SWAP70: variants seen among roughly 807,000 people sequenced by gnomAD.
SWAP70 encodes switching B cell complex subunit SWAP70, also known as switch-associated protein 70.
SWAP70 carries 34 observed loss-of-function variants against 80.2 expected under a neutral mutation model. The observed-to-expected ratio is 0.42, with a 90% CI of 0.32 to 0.56. The LOEUF (loss-of-function observed/expected upper bound fraction) is 0.56. SWAP70 is among the 20% of genes least tolerant of loss of function. The probability of loss-of-function intolerance (pLI) is 0.09; values close to 1 mark genes in which losing one functional copy is unlikely to be tolerated. For missense variants in SWAP70, 578 were observed against 690.7 expected (o/e 0.84, Z 1.83); for synonymous variants, 239 against 238.5 (o/e 1.00, Z -0.02).
chr11:9,676,697 T>G (rs1157612956), intron 1 of SWAP70, among the ~76,000 whole-genome samples: 2 of 150,586 alleles, frequency 1.3e-5, no homozygotes, highest in African/African-American at 2.4e-5. Context: ...TTGCCCAGGC[T>G]GGAGTGCAGT....
chr11:9,722,761 T>C (rs1851156137), intron 3 of SWAP70, among the ~76,000 whole-genome samples: 1 of 152,216 alleles, frequency 6.6e-6, no homozygotes, highest in South Asian at 2.1e-4. Context: ...TTATAATCTA[T>C]GGCAAGTGGT....
chr11:9,689,248 C>A (rs1850667402), intron 1 of SWAP70, among the ~76,000 whole-genome samples: 1 of 152,154 alleles, frequency 6.6e-6, no homozygotes, highest in African/African-American at 2.4e-5. Context: ...CACTGTTCAC[C>A]ATCCTTGATT....
intron 2 of SWAP70, among the ~76,000 whole-genome samples, chr11:9,703,010 C>T (rs1850853016): frequency 6.6e-6 from 1 of 152,112 alleles, no homozygotes; most frequent in South Asian, 2.1e-4. Flanking sequence ...TTCACTACAA[C>T]CATTACCACA....
chr11:9,722,095 A>G (rs1469052822), intron 3 of SWAP70, among the ~76,000 whole-genome samples: 1 of 152,184 alleles, frequency 6.6e-6, no homozygotes, highest in East Asian at 1.9e-4. Context: ...ATAGTATTTC[A>G]CTCAGTGCAG....
intron 1 of SWAP70, among the ~76,000 whole-genome samples, chr11:9,670,677 A>G (rs1321765457): frequency 1.3e-5 from 2 of 152,108 alleles, no homozygotes; most frequent in African/African-American, 4.8e-5. Flanking sequence ...GCAACGCTGG[A>G]GCTGAGGGAG....
intron 1 of SWAP70, among the ~76,000 whole-genome samples, chr11:9,668,490 T>A (rs2134412606): frequency 6.6e-6 from 1 of 152,344 alleles, no homozygotes; most frequent in East Asian, 1.9e-4. Context: ...TAAACATTTT[T>A]ATTTAGGTCT....
At chr11:9,736,413 T>C (rs1450208140) in intron 7 of SWAP70, among the ~76,000 whole-genome samples, 2 of 131,000 alleles carry the variant, frequency 1.5e-5, no homozygotes, top group Admixed American at 7.5e-5. Context: ...CTTTCCTTTT[T>C]CTTTGCATGT....
At chr11:9,723,046 A>T (rs1851160497) in intron 3 of SWAP70, among the ~76,000 whole-genome samples, 1 of 152,126 alleles carries the variant, frequency 6.6e-6, no homozygotes, top group Non-Finnish European at 1.5e-5. Context: ...TCACCAAGGG[A>T]TGCAGAGGAG....
At chr11:9,705,612 G>C (rs944230861) in intron 2 of SWAP70, among the ~76,000 whole-genome samples, 1 of 143,662 alleles carries the variant, frequency 7.0e-6, no homozygotes, top group Non-Finnish European at 1.5e-5. Flanking sequence ...GTATGCACTG[G>C]TGATCTGTAT....
intron 3 of SWAP70, among the ~76,000 whole-genome samples, chr11:9,715,205 C>G (rs1201809368): frequency 6.6e-6 from 1 of 152,044 alleles, no homozygotes; most frequent in Non-Finnish European, 1.5e-5. Context: ...TATCAAACTC[C>G]TGGCCTCAAG....
chr11:9,741,830 C>A (rs1851442249), intron 9 of SWAP70: 1 of 147,250 alleles, frequency 6.8e-6, no homozygotes, highest in African/African-American at 2.6e-5. Flanking sequence ...CTGAAAAATA[C>A]ACCACAAAGT....
intron 2 of SWAP70, among the ~76,000 whole-genome samples, chr11:9,710,941 C>A (rs1056573251): frequency 5.9e-5 from 9 of 151,752 alleles, no homozygotes; most frequent in Non-Finnish European, 1.0e-4. Context: ...GCTTTGGCCT[C>A]CCAAAGTGCT....
At chr11:9,716,132 A>T (rs774538426) in intron 3 of SWAP70, among the ~76,000 whole-genome samples, 3 of 152,228 alleles carry the variant, frequency 2.0e-5, no homozygotes. Context: ...TAGGCGGTAG[A>T]TGAAGCTGGA....
intron 3 of SWAP70, among the ~76,000 whole-genome samples, chr11:9,716,186 C>T (rs964880989): frequency 2.6e-5 from 4 of 152,066 alleles, no homozygotes; most frequent in African/African-American, 7.2e-5. Flanking sequence ...AGATGAGCCA[C>T]TGATGATTTT....
chr11:9,741,414 G>C (rs1203222924), intron 9 of SWAP70: 1 of 152,130 alleles, frequency 6.6e-6, no homozygotes, highest in African/African-American at 2.4e-5. Flanking sequence ...AGGTTAATCA[G>C]GTTCTTGGAA....
At chr11:9,720,607 C>A in intron 3 of SWAP70, 1 of 477,078 alleles carries the variant, frequency 2.1e-6, no homozygotes, top group Non-Finnish European at 2.7e-6. Context: ...ACATGTGCTT[C>A]CTTTGCCTTG....
At chr11:9,672,136 A>T (rs1404839351) in intron 1 of SWAP70, among the ~76,000 whole-genome samples, 2 of 130,532 alleles carry the variant, frequency 1.5e-5, no homozygotes, top group Admixed American at 8.8e-5. Context: ...TTTAAATATA[A>T]TTTAAAATAA....
chr11:9,692,352 T>C lies in SWAP70; in HGVS notation c.100-1794T>C, dbSNP rs916286274. Among the ~76,000 whole-genome samples the C allele has an allele frequency of 2.0e-5, 3 of 151,736 alleles. No homozygotes were observed. The South Asian group carries it at 6.2e-4, about 31-fold the overall frequency. On this transcript the variant is annotated intron_variant, in intron 1 of 11. Transcript: ENST00000318950. Reference sequence around the variant, plus strand: ...TTTCTAACCTTGGTCTCATCAAACTTGTCTTCCTTTCACAGTTACTAGTTT... The same window carrying C: ...TTTCTAACCTTGGTCTCATCAAACTCGTCTTCCTTTCACAGTTACTAGTTT...
chr11:9,669,307 G>A (rs978556116), intron 1 of SWAP70, among the ~76,000 whole-genome samples: 1 of 152,114 alleles, frequency 6.6e-6, no homozygotes, highest in Non-Finnish European at 1.5e-5. Flanking sequence ...GAGTACAGTG[G>A]CAACCTCCAC....
Sources: allele counts gnomAD v4.1 joint callset (sites outside exome capture counted in the v4.1 genomes callset), GRCh38; gene constraint gnomAD v4.1.1; transcripts MANE v1.5; gene names NCBI Gene and HGNC (gene_info 2026-07-23, HGNC 2026-07-21).